PRDM5: variants seen among roughly 807,000 people sequenced by gnomAD.
The protein encoded by PRDM5 is PR/SET domain 5, also known as PR domain zinc finger protein 5.
In PRDM5, 56 loss-of-function variants were observed where a neutral mutation model predicts 81.2. That is an observed-to-expected ratio of 0.69 (90% CI 0.56 to 0.86). PRDM5 has a LOEUF of 0.86. Among genes scored for constraint, PRDM5 ranks in the 40% least tolerant of loss-of-function variants. The pLI is 0.00. For synonymous variants in PRDM5, 267 were observed against 256.4 expected (o/e 1.04, Z -0.39); for missense variants, 697 against 770.1 (o/e 0.91, Z 1.12).
At chr4:120,850,655 A>T (rs112284320) in intron 3 of PRDM5, among the ~76,000 whole-genome samples, 20 of 152,234 alleles carry the variant, frequency 1.3e-4, no homozygotes, top group African/African-American at 4.8e-4. Flanking sequence ...TTCTGAACAT[A>T]CTTAGATTAT....
At chr4:120,722,227 C>CT (rs1560974616) in intron 14 of PRDM5, among the ~76,000 whole-genome samples, 1 of 152,160 alleles carries the variant, frequency 6.6e-6, no homozygotes, top group Non-Finnish European at 1.5e-5. Flanking sequence ...CACCCACTCC[C>CT]TCGAACCTCA....
intron 14 of PRDM5, among the ~76,000 whole-genome samples, chr4:120,718,491 C>A (rs191172460): frequency 5.3e-5 from 8 of 152,186 alleles, no homozygotes; most frequent in Admixed American, 3.9e-4. Context: ...AAAAGAAAAT[C>A]TAAAAAATTC....
At chr4:120,823,068 T>A (rs1190357188) in intron 3 of PRDM5, among the ~76,000 whole-genome samples, 1 of 152,040 alleles carries the variant, frequency 6.6e-6, no homozygotes, top group Non-Finnish European at 1.5e-5. Flanking sequence ...ATTAGATGAG[T>A]TTTTAACTGT....
chr4:120,764,417 A>G (rs1256455367), intron 13 of PRDM5, among the ~76,000 whole-genome samples: 2 of 152,202 alleles, frequency 1.3e-5, no homozygotes, highest in Non-Finnish European at 2.9e-5. Flanking sequence ...AAACTTTGAC[A>G]TAGCACTATA....
At chr4:120,774,902 A>ATATATATATATGTATATG (rs1553963976) in intron 13 of PRDM5, among the ~76,000 whole-genome samples, 26 of 146,052 alleles carry the variant, frequency 1.8e-4, no homozygotes, top group African/African-American at 5.5e-4. Flanking sequence ...ATATATATAT[A>ATATATATATATGTATATG]TATATGTATA....
At chr4:120,866,573 A>G (rs1227982898) in intron 2 of PRDM5, among the ~76,000 whole-genome samples, 1 of 152,226 alleles carries the variant, frequency 6.6e-6, no homozygotes, top group Non-Finnish European at 1.5e-5. Context: ...GGTAAGTGCT[A>G]CATATTAAGC....
intron 1 of PRDM5, among the ~76,000 whole-genome samples, chr4:120,916,242 C>T (rs926417088): frequency 1.3e-5 from 2 of 152,116 alleles, no homozygotes; most frequent in Middle Eastern, 3.4e-3. Context: ...CAAAAATTAG[C>T]CAGGTGTGGT....
intron 2 of PRDM5, among the ~76,000 whole-genome samples, chr4:120,867,333 A>C (rs945268476): frequency 6.6e-6 from 1 of 152,248 alleles, no homozygotes; most frequent in Non-Finnish European, 1.5e-5. Context: ...TATTACAAAT[A>C]GAGAAAATCA....
intron 13 of PRDM5, among the ~76,000 whole-genome samples, chr4:120,766,625 C>G (rs1402057128): frequency 3.3e-5 from 5 of 151,972 alleles, no homozygotes; most frequent in Admixed American, 3.3e-4. Flanking sequence ...CAGCAGGGGT[C>G]AGGGGGTATG....
Position 120,791,504 on chromosome 4 carries a change from T to C in PRDM5, c.1189-6413A>G, listed in dbSNP as rs528118963. Among the ~76,000 whole-genome samples the C allele has an allele frequency of 7.9e-5, 12 of 152,298 alleles. 1 individual carries two copies. Among genetic ancestry groups the C allele is most frequent in the African/African-American group, 2.9e-4 (12 of 41,568 alleles). Reference sequence around the variant, plus strand: ...TGTGAAATGCAAATGTTACTAAAGATTTTACAAGAGATATGAAAGAGGTGC... The same window carrying C: ...TGTGAAATGCAAATGTTACTAAAGACTTTACAAGAGATATGAAAGAGGTGC... On this transcript the variant is annotated intron_variant, in intron 10 of 15. Coordinates refer to ENST00000264808, the MANE Select transcript of PRDM5 (RefSeq NM_018699.4).
At chr4:120,862,558 G>T (rs1212210616) in intron 2 of PRDM5, among the ~76,000 whole-genome samples, 1 of 152,206 alleles carries the variant, frequency 6.6e-6, no homozygotes, top group African/African-American at 2.4e-5. Flanking sequence ...AAACCTAGCA[G>T]GCCTGAGACT....
rs1032725991 is a variant in PRDM5, at chr4:120,802,725, C to T, written c.946-2980G>A. Among the ~76,000 whole-genome samples, 47 of 152,194 alleles carry T rather than the reference C, an allele frequency of 3.1e-4. 1 individual carries two copies. The highest frequency in any genetic ancestry group is 1.1e-3 in the African/African-American group (45 of 41,516). On this transcript the variant is annotated intron_variant, in intron 8 of 15. Transcript: ENST00000264808. Reference sequence around the variant, plus strand: ...ATCTGTACGTCACCATCATCAAAGACCAAAGGTAGATAAAACTACAAAGAT... The same window carrying T: ...ATCTGTACGTCACCATCATCAAAGATCAAAGGTAGATAAAACTACAAAGAT...
intron 14 of PRDM5, among the ~76,000 whole-genome samples, chr4:120,736,051 A>AT (rs11406026): frequency 0.75 from 113,447 of 151,612 alleles, 42,969 homozygotes; most frequent in East Asian, 0.86. Flanking sequence ...CTGTATGTCC[A>AT]TTTTTTTAGC....
At chr4:120,870,996 C>G (rs188009912) in intron 2 of PRDM5, among the ~76,000 whole-genome samples, 2 of 152,104 alleles carry the variant, frequency 1.3e-5, no homozygotes, top group East Asian at 1.9e-4. Context: ...CCAGATTTCC[C>G]CTCCAGTAGA....
chr4:120,916,425 A>G (rs1450444279), intron 1 of PRDM5, among the ~76,000 whole-genome samples: 1 of 151,136 alleles, frequency 6.6e-6, no homozygotes, highest in Non-Finnish European at 1.5e-5. Flanking sequence ...ATAAATAAAT[A>G]GCTAAATGTA....
chr4:120,886,271 C>T (rs1250872138), intron 2 of PRDM5, among the ~76,000 whole-genome samples: 1 of 152,176 alleles, frequency 6.6e-6, no homozygotes, highest in Non-Finnish European at 1.5e-5. Context: ...TTGTTCCAAA[C>T]ACCTAAAAGG....
intron 2 of PRDM5, among the ~76,000 whole-genome samples, chr4:120,872,177 T>TAAAAAAAAAAAAAAAAAAAAAAAAA (rs1761902261): frequency 7.5e-6 from 1 of 132,578 alleles, no homozygotes; most frequent in Non-Finnish European, 1.5e-5. Flanking sequence ...AAAAAAAACC[T>TAAAAAAAAAAAAAAAAAAAAAAAAA]GTACAGAGGT....
At chr4:120,901,106 T>G (rs1579178291) in intron 2 of PRDM5, among the ~76,000 whole-genome samples, 2 of 152,170 alleles carry the variant, frequency 1.3e-5, no homozygotes, top group South Asian at 4.1e-4. Flanking sequence ...TTTCAGTAGC[T>G]TTGGGGGTAC....
At chr4:120,797,857 C>T (rs1048517105) in intron 10 of PRDM5, among the ~76,000 whole-genome samples, 1 of 152,060 alleles carries the variant, frequency 6.6e-6, no homozygotes, top group African/African-American at 2.4e-5. Flanking sequence ...GAATAACCTC[C>T]TGAGGGGAAA....
Sources: allele counts gnomAD v4.1 joint callset (sites outside exome capture counted in the v4.1 genomes callset), GRCh38; gene constraint gnomAD v4.1.1; transcripts MANE v1.5; gene names NCBI Gene and HGNC (gene_info 2026-07-23, HGNC 2026-07-21).